Variants in CCSER1 observed in about 807,000 individuals in gnomAD.
CCSER1 encodes coiled-coil serine rich protein 1, also known as serine-rich coiled-coil domain-containing protein 1.
In CCSER1, 41 loss-of-function variants were observed where a neutral mutation model predicts 82.0. The observed-to-expected ratio is 0.50, with a 90% CI of 0.39 to 0.65. CCSER1 has a LOEUF of 0.65. CCSER1 is among the 30% of genes least tolerant of loss of function. The pLI is 0.00. For missense variants in CCSER1, 1,119 were observed against 1,064.2 expected (o/e 1.05, Z -0.72); for synonymous variants, 414 against 383.9 (o/e 1.08, Z -0.92).
At chr4:90,851,591 T>TC (rs1284454318) in intron 8 of CCSER1, among the ~76,000 whole-genome samples, 1 of 145,186 alleles carries the variant, frequency 6.9e-6, no homozygotes, top group African/African-American at 2.6e-5. Flanking sequence ...TTTTTTTTTT[T>TC]CCTGATCCGA....
intron 10 of CCSER1, among the ~76,000 whole-genome samples, chr4:91,495,496 T>G (rs1758751712): frequency 6.6e-6 from 1 of 151,554 alleles, no homozygotes; most frequent in African/African-American, 2.4e-5. Context: ...AAGAATTATT[T>G]TTTACTTGTT....
At chr4:90,537,573 A>G (rs1344187318) in intron 5 of CCSER1, among the ~76,000 whole-genome samples, 1 of 152,000 alleles carries the variant, frequency 6.6e-6, no homozygotes, top group Admixed American at 6.6e-5. Context: ...ATTTGCGTAT[A>G]TTTAATCCTG....
At chr4:90,806,537 C>T (rs1757536816) in intron 7 of CCSER1, among the ~76,000 whole-genome samples, 1 of 152,116 alleles carries the variant, frequency 6.6e-6, no homozygotes, top group South Asian at 2.1e-4. Context: ...TCTCAGATCC[C>T]ATCTCAATAA....
chr4:91,319,075 G>A (rs1234051728), intron 10 of CCSER1: 1 of 267,406 alleles, frequency 3.7e-6, no homozygotes, highest in Non-Finnish European at 7.6e-6. Context: ...CCAGAACTTG[G>A]TAAGGAAATT....
chr4:91,023,052 T>C (rs1173981304), intron 9 of CCSER1, among the ~76,000 whole-genome samples: 1 of 152,130 alleles, frequency 6.6e-6, no homozygotes, highest in Non-Finnish European at 1.5e-5. Flanking sequence ...TTGTTGCCAT[T>C]GCTTTTGGTT....
intron 10 of CCSER1, among the ~76,000 whole-genome samples, chr4:91,333,550 T>C (rs1747103874): frequency 6.6e-6 from 1 of 152,060 alleles, no homozygotes; most frequent in African/African-American, 2.4e-5. Flanking sequence ...TATCTGCATA[T>C]TGGGTTGCAC....
chr4:91,431,529 G>A (rs1754318129), intron 10 of CCSER1, among the ~76,000 whole-genome samples: 1 of 152,054 alleles, frequency 6.6e-6, no homozygotes, highest in African/African-American at 2.4e-5. Context: ...GTGCAATGGT[G>A]CGATCTTGGC....
intron 8 of CCSER1, among the ~76,000 whole-genome samples, chr4:90,902,037 A>G (rs1724733282): frequency 6.6e-6 from 1 of 151,802 alleles, no homozygotes; most frequent in Non-Finnish European, 1.5e-5. Flanking sequence ...CTGGCTTCCA[A>G]TATCTAAAAT....
chr4:91,307,849 C>T (rs1210026446), intron 10 of CCSER1, among the ~76,000 whole-genome samples: 2 of 151,852 alleles, frequency 1.3e-5, no homozygotes, highest in Non-Finnish European at 2.9e-5. Flanking sequence ...AAATATTGGT[C>T]ATTTATACCC....
intron 5 of CCSER1, among the ~76,000 whole-genome samples, chr4:90,582,919 T>G (rs1320183344): frequency 6.6e-6 from 1 of 152,250 alleles, no homozygotes; most frequent in African/African-American, 2.4e-5. Context: ...ACTTTTAATT[T>G]GCAAAATTAC....
intron 3 of CCSER1, among the ~76,000 whole-genome samples, chr4:90,338,801 C>T (rs975515583): frequency 6.6e-6 from 1 of 152,148 alleles, no homozygotes; most frequent in Non-Finnish European, 1.5e-5. Flanking sequence ...GTATTCTTGA[C>T]TGTTCAGCTA....
At chr4:90,405,449 C>G (rs1753574183) in intron 4 of CCSER1, among the ~76,000 whole-genome samples, 1 of 152,126 alleles carries the variant, frequency 6.6e-6, no homozygotes, top group African/African-American at 2.4e-5. Flanking sequence ...GATGGAATAA[C>G]TGAGGAAAAC....
At chr4:91,322,872 C>A (rs1746290448) in intron 10 of CCSER1, among the ~76,000 whole-genome samples, 1 of 151,952 alleles carries the variant, frequency 6.6e-6, no homozygotes. Context: ...GCTTTTTGAT[C>A]AAATAGACTG....
intron 10 of CCSER1, among the ~76,000 whole-genome samples, chr4:91,091,249 A>G (rs1400135869): frequency 1.3e-5 from 2 of 152,162 alleles, no homozygotes; most frequent in East Asian, 3.9e-4. Context: ...ATCATTTATG[A>G]GTCCTCACTA....
chr4:90,489,970 C>G (rs185755477), intron 5 of CCSER1, among the ~76,000 whole-genome samples: 1 of 152,060 alleles, frequency 6.6e-6, no homozygotes, highest in Non-Finnish European at 1.5e-5. Flanking sequence ...TGAATAGTGC[C>G]GCAATAAACA....
chr4:90,911,778 A>G (rs750091127), intron 8 of CCSER1, among the ~76,000 whole-genome samples: 13 of 152,136 alleles, frequency 8.5e-5, no homozygotes, highest in Non-Finnish European at 1.5e-4. Context: ...GTCACTCCCA[A>G]CCTAATACTG....
chr4:90,774,076 A>C (rs1292621709), intron 7 of CCSER1, among the ~76,000 whole-genome samples: 3 of 152,118 alleles, frequency 2.0e-5, no homozygotes, highest in African/African-American at 7.2e-5. Context: ...TTTTTATTTA[A>C]TTTCTAGTTA....
intron 10 of CCSER1, among the ~76,000 whole-genome samples, chr4:91,402,215 A>G (rs891758117): frequency 6.6e-6 from 1 of 152,120 alleles, no homozygotes; most frequent in Non-Finnish European, 1.5e-5. Context: ...GTGTCTGTTC[A>G]TATCCTTTGC....
intron 7 of CCSER1, among the ~76,000 whole-genome samples, chr4:90,749,579 T>A (rs1748203528): frequency 6.6e-6 from 1 of 152,094 alleles, no homozygotes; most frequent in Non-Finnish European, 1.5e-5. Context: ...GTGAACAAAG[T>A]CATTGGTAGC....
Sources: allele counts gnomAD v4.1 joint callset (sites outside exome capture counted in the v4.1 genomes callset), GRCh38; gene constraint gnomAD v4.1.1; transcripts MANE v1.5; gene names NCBI Gene and HGNC (gene_info 2026-07-23, HGNC 2026-07-21).